Variants in ADAM23 observed in about 807,000 individuals in gnomAD.
ADAM23 encodes the protein ADAM metallopeptidase domain 23, also known as disintegrin and metalloproteinase domain-containing protein 23.
Under a neutral mutation model 120.1 loss-of-function variants are expected in ADAM23, and 33 were observed. The observed-to-expected ratio is 0.27, with a 90% CI of 0.21 to 0.37. The LOEUF is 0.37. Among genes scored for constraint, ADAM23 ranks in the 10% least tolerant of loss-of-function variants. The pLI is 1.00. For synonymous variants in ADAM23, 367 were observed against 375.2 expected, an observed-to-expected ratio of 0.98 and a Z score of 0.25; for missense variants, 862 against 1,058.2, an observed-to-expected ratio of 0.81 and a Z score of 2.57.
chr2:206,566,452 A>C (rs1236825291), intron 14 of ADAM23, among the ~76,000 whole-genome samples: 1 of 148,418 alleles, frequency 6.7e-6, no homozygotes, highest in Non-Finnish European at 1.5e-5. Context: ...ATTCCTGAGG[A>C]ATAGGTGTGC....
intron 18 of ADAM23, among the ~76,000 whole-genome samples, chr2:206,577,331 A>G (rs1428254764): frequency 6.7e-6 from 1 of 148,248 alleles, no homozygotes; most frequent in Non-Finnish European, 1.5e-5. Context: ...TTACATATGT[A>G]TACATGTGCC....
intron 18 of ADAM23, among the ~76,000 whole-genome samples, chr2:206,578,709 C>T (rs761374823): frequency 5.3e-5 from 8 of 152,010 alleles, no homozygotes; most frequent in African/African-American, 7.3e-5. Context: ...AACATCTGTG[C>T]GCAAGTATCT....
At chr2:206,516,113 G>T (rs1696724705) in intron 3 of ADAM23, among the ~76,000 whole-genome samples, 5 of 151,590 alleles carry the variant, frequency 3.3e-5, no homozygotes, top group Admixed American at 3.3e-4. Context: ...TTGAGAAATA[G>T]AACATTGCTT....
chr2:206,472,456 A>C (rs765246710), intron 2 of ADAM23, among the ~76,000 whole-genome samples: 38 of 151,910 alleles, frequency 2.5e-4, no homozygotes, highest in Non-Finnish European at 3.8e-4. Context: ...CTAAAAAAAA[A>C]ACAAAAATTA....
chr2:206,475,571 T>C (rs1695758333), intron 2 of ADAM23, among the ~76,000 whole-genome samples: 1 of 151,460 alleles, frequency 6.6e-6, no homozygotes, highest in African/African-American at 2.4e-5. Flanking sequence ...GCCTACTGTT[T>C]TCGTATGAAA....
rs771498888 is a variant in ADAM23 at position 206,443,988 on chromosome 2, C to T, written c.122C>T (p.Thr41Met). ...GTGCCTGCCAGCGCCCCGGCCCGCA[C>T]GCCGCCCTGCCGCCTGCTTCTCGTC... ...GSVPASAPAR[T>M]PPCRLLLVLL... Residue 41 changes from threonine (T) to methionine (M), a missense_variant, in exon 1 of 26, where the codon ACG (threonine) becomes ATG (methionine). Physicochemically the swap from Thr to Met is moderately conservative, Grantham distance 81. Around this residue, in one of 4 missense-constraint regions of ADAM23, gnomAD observed 225 missense variants for 204.0 expected, o/e 1.10. Coordinates refer to ENST00000264377, the MANE Select transcript of ADAM23 (RefSeq NM_003812.4). 5.1e-6 allele frequency: 7 copies of T among 1,382,824 alleles called. No homozygotes were observed. The East Asian group carries it at 1.5e-4, about 30-fold the overall frequency. 85.7% of individuals were successfully genotyped at this position (1,382,824 alleles called of 1,614,324 possible).
Position 206,508,251 on chromosome 2 carries a change from G to A in ADAM23, c.510-22634G>A, listed in dbSNP as rs181574265. The stretch of plus-strand genomic sequence containing the variant: ...TCACCGTGTTAGCCAGGATGGTCTT[G>A]ATCTGACCTCGTGATCCGCCCACCT... On this transcript the variant is annotated intron_variant, in intron 3 of 25. Transcript: ENST00000264377. 3.3e-5 allele frequency among the ~76,000 whole-genome samples: 5 copies of A among 152,222 alleles called. No individual in the cohort carries two copies. In the East Asian group the frequency reaches 9.7e-4, roughly 30 times the overall value.
chr2:206,553,194 A>G (rs907882355), intron 9 of ADAM23, among the ~76,000 whole-genome samples: 2 of 152,196 alleles, frequency 1.3e-5, no homozygotes, highest in South Asian at 4.1e-4. Context: ...CCTGGCCAAC[A>G]TGGTGAAACC....
At chr2:206,520,616 G>A (rs1488273855) in intron 3 of ADAM23, among the ~76,000 whole-genome samples, 1 of 152,078 alleles carries the variant, frequency 6.6e-6, no homozygotes, top group East Asian at 1.9e-4. Context: ...TATGTGGAGA[G>A]GCTGCTCCTT....
intron 3 of ADAM23, among the ~76,000 whole-genome samples, chr2:206,491,632 A>G (rs1015609627): frequency 3.9e-5 from 6 of 152,220 alleles, no homozygotes; most frequent in African/African-American, 4.8e-5. Context: ...AATTGTGACA[A>G]AAAATTGAAA....
At position 206,481,325 on chromosome 2, in the gene ADAM23, A is replaced by C. The variant is rs1295772488; in HGVS notation, c.509+17A>C. 1.9e-6 allele frequency: 3 copies of C among 1,555,588 alleles called. No individual in the cohort carries two copies. The South Asian group carries it at 3.7e-5, about 19-fold the overall frequency. On this transcript the variant is annotated intron_variant, in intron 3 of 25. Transcript: ENST00000264377. ...ACTGAACAAGTGAGTATTTAGACAT[A>C]ATCTTCTTAAGAAGCAGGTGCAATA...
intron 3 of ADAM23, among the ~76,000 whole-genome samples, chr2:206,528,856 G>A (rs930846421): frequency 1.3e-5 from 2 of 152,114 alleles, no homozygotes; most frequent in Admixed American, 1.3e-4. Context: ...CTTAGAGTGG[G>A]ACCTACTCTT....
rs192739345 is a variant in ADAM23 at position 206,482,076 on chromosome 2, G to A, written c.509+768G>A. On this transcript the variant is annotated intron_variant, in intron 3 of 25. Coordinates refer to ENST00000264377, the MANE Select transcript of ADAM23 (RefSeq NM_003812.4). Reference sequence around the variant, plus strand: ...CTGCATCTTTGCAAGAAAAATACCTGTTAATGCTATCAAACACTATAATGT... The same window carrying A: ...CTGCATCTTTGCAAGAAAAATACCTATTAATGCTATCAAACACTATAATGT... Among the ~76,000 whole-genome samples, 199 of 152,304 alleles carry A rather than the reference G, an allele frequency of 1.3e-3. 3 individuals carry two copies. The highest frequency in any genetic ancestry group is 1.5e-4 in the Non-Finnish European group (10 of 68,022).
At chr2:206,460,581 G>GT (rs939874644) in intron 2 of ADAM23, among the ~76,000 whole-genome samples, 17 of 151,618 alleles carry the variant, frequency 1.1e-4, no homozygotes, top group East Asian at 1.9e-4. Context: ...AGTTGTTTGT[G>GT]TTTTTTTTGG....
intron 3 of ADAM23, among the ~76,000 whole-genome samples, chr2:206,520,086 C>T (rs1696813304): frequency 6.6e-6 from 1 of 152,140 alleles, no homozygotes; most frequent in African/African-American, 2.4e-5. Context: ...ATGAAGGGTA[C>T]CATGATTGCA....
At chr2:206,464,653 C>T (rs1255899378) in intron 2 of ADAM23, among the ~76,000 whole-genome samples, 1 of 152,062 alleles carries the variant, frequency 6.6e-6, no homozygotes, top group African/African-American at 2.4e-5. Context: ...GGAAGCTATA[C>T]ATACATCTTC....
chr2:206,603,078 A>T (rs957382527), intron 24 of ADAM23, among the ~76,000 whole-genome samples: 4 of 152,170 alleles, frequency 2.6e-5, no homozygotes, highest in African/African-American at 9.7e-5. Flanking sequence ...GGAAAATAAG[A>T]TATATCATCG....
intron 4 of ADAM23, among the ~76,000 whole-genome samples, chr2:206,540,940 C>A (rs1467719010): frequency 2.0e-5 from 3 of 147,196 alleles, no homozygotes; most frequent in African/African-American, 2.5e-5. Flanking sequence ...TTATAAAATT[C>A]TTTTATAAAT....
chr2:206,532,317 CTTAG>C (rs1187690777), intron 4 of ADAM23, among the ~76,000 whole-genome samples: 2 of 151,174 alleles, frequency 1.3e-5, no homozygotes, highest in African/African-American at 2.4e-5. Flanking sequence ...CACTAAGGCA[CTTAG>C]TTACTTTTTT....
Sources: allele counts gnomAD v4.1 joint callset (sites outside exome capture counted in the v4.1 genomes callset), GRCh38; gene constraint gnomAD v4.1.1; regional missense constraint gnomAD v4.1.1; transcripts MANE v1.5; gene names NCBI Gene and HGNC (gene_info 2026-07-23, HGNC 2026-07-21).